ARFGEF1: variants seen among roughly 807,000 people sequenced by gnomAD.
ARFGEF1 encodes brefeldin A-inhibited guanine nucleotide-exchange protein 1.
Under a neutral mutation model 231.0 loss-of-function variants are expected in ARFGEF1, and 42 were observed. The observed-to-expected ratio is 0.18, with a 90% CI of 0.14 to 0.24. ARFGEF1 has a LOEUF of 0.24. Among genes scored for constraint, ARFGEF1 ranks in the 10% least tolerant of loss-of-function variants. The pLI, the probability that ARFGEF1 is intolerant of heterozygous loss-of-function variation, is 1.00. For missense variants in ARFGEF1, 1,345 were observed against 2,192.0 expected, an observed-to-expected ratio of 0.61 and a Z score of 7.72; for synonymous variants, 710 against 732.3, an observed-to-expected ratio of 0.97 and a Z score of 0.49.
intron 1 of ARFGEF1, among the ~76,000 whole-genome samples, chr8:67,311,580 C>G (rs574233749): frequency 1.4e-5 from 2 of 145,050 alleles, no homozygotes; most frequent in East Asian, 2.2e-4. Flanking sequence ...GTCAGCCCCC[C>G]GCCTGGCCAG....
chr8:67,311,496 C>T lies in ARFGEF1; in HGVS notation c.125-9030G>A, dbSNP rs558242155. 2.7e-3 allele frequency among the ~76,000 whole-genome samples: 396 copies of T among 144,890 alleles called. 26 individuals carry two copies. The East Asian group carries it at 0.084, about 31-fold the overall frequency. ...TCAGCCACCCGCCTGGCCAGCCGCC[C>T]CGTCCGGGAGGGAGGTGGGGGGGGG... On this transcript the variant is annotated intron_variant, in intron 1 of 38. Coordinates refer to ENST00000262215, the MANE Select transcript of ARFGEF1 (RefSeq NM_006421.5).
chr8:67,183,475 A>G (rs962616585), intron 5 of ARFGEF1, among the ~76,000 whole-genome samples: 2 of 152,246 alleles, frequency 1.3e-5, no homozygotes, highest in African/African-American at 4.8e-5. Flanking sequence ...GAAATAAACT[A>G]GAAATCAATA....
Position 67,343,486 on chromosome 8 carries a change from C to A in ARFGEF1, c.-199G>T. ...GGTGTCGGCGAAGGGCGTCGAGGTC[C>A]TCGCCGCCCCCAAGAAGCCGTACCT... On this transcript the variant is annotated 5_prime_UTR_variant, in exon 1 of 39. It adds an upstream start codon to the 5' untranslated region. Coordinates refer to ENST00000262215, the MANE Select transcript of ARFGEF1 (RefSeq NM_006421.5). The A allele has an allele frequency of 7.8e-7, 1 of 1,282,054 alleles. No individual in the cohort carries two copies. The highest frequency in any genetic ancestry group is 9.9e-7 in the Non-Finnish European group (1 of 1,010,868). The allele number at this position is 1,282,054 out of a possible 1,614,324, so 79.4% of individuals were successfully genotyped here.
rs1839406948 is a variant in ARFGEF1, at chr8:67,227,323, T to C, written c.3744-14A>G. On this transcript the variant is annotated splice_polypyrimidine_tract_variant and intron_variant, in intron 26 of 38. Transcript: ENST00000262215. ...ATTGTTGGAGACCTAAAAATATTAA[T>C]ATAATTGCTTGGATATGCAAACCGA... 1.9e-6 allele frequency: 3 copies of C among 1,606,824 alleles called. No individual in the cohort carries two copies. The highest frequency in any genetic ancestry group is 1.3e-5 in the African/African-American group (1 of 74,700).
At chr8:67,250,839 C>G (rs767028214) in intron 19 of ARFGEF1, among the ~76,000 whole-genome samples, 26 of 152,206 alleles carry the variant, frequency 1.7e-4, no homozygotes, top group Non-Finnish European at 2.8e-4. Flanking sequence ...CTCACTAAAT[C>G]AACCCACAAA....
At chr8:67,195,437 C>T (rs760288295), downstream of ARFGEF1, 35 of 1,613,988 alleles carry the variant, frequency 2.2e-5, no homozygotes, top group Admixed American at 6.7e-5. Context: ...TAGGGGATGA[C>T]GGATCAAACT....
intron 37 of ARFGEF1, 57 bp downstream of exon 37, chr8:67,201,410 C>T (rs1587022972): frequency 6.4e-7 from 1 of 1,557,366 alleles, no homozygotes; most frequent in South Asian, 1.2e-5. Context: ...GTGCCTCTTT[C>T]CTGCCCGGCA....
chr8:67,213,837 C>A (rs1289619621), intron 33 of ARFGEF1, among the ~76,000 whole-genome samples: 1 of 152,210 alleles, frequency 6.6e-6, no homozygotes, highest in African/African-American at 2.4e-5. Context: ...GCCTGCCTGC[C>A]CTACAAAATT....
intron 1 of ARFGEF1, among the ~76,000 whole-genome samples, chr8:67,339,702 G>A (rs1045703734): frequency 3.4e-5 from 5 of 148,018 alleles, no homozygotes; most frequent in African/African-American, 1.0e-4. Flanking sequence ...TCTGCAGAGA[G>A]CTGTAGTAGG....
At chr8:67,287,643 T>C (rs1303949820) in intron 7 of ARFGEF1, among the ~76,000 whole-genome samples, 3 of 152,218 alleles carry the variant, frequency 2.0e-5, no homozygotes, top group African/African-American at 7.2e-5. Context: ...CATATTTTTG[T>C]CTCCATTTAG....
At chr8:67,299,997 C>A (rs1806406590) in intron 3 of ARFGEF1, among the ~76,000 whole-genome samples, 1 of 151,944 alleles carries the variant, frequency 6.6e-6, no homozygotes, top group African/African-American at 2.4e-5. Flanking sequence ...TTGCTTATTG[C>A]TTTCCACATA....
At chr8:67,286,425 A>T (rs1396901698) in intron 7 of ARFGEF1, among the ~76,000 whole-genome samples, 2 of 152,152 alleles carry the variant, frequency 1.3e-5, no homozygotes, top group Non-Finnish European at 2.9e-5. Context: ...TTTTTTTATA[A>T]AGGGTCAGAT....
intron 1 of ARFGEF1, among the ~76,000 whole-genome samples, chr8:67,317,272 G>A (rs1245497214): frequency 6.6e-6 from 1 of 152,132 alleles, no homozygotes; most frequent in Non-Finnish European, 1.5e-5. Context: ...CTACGTAACC[G>A]GAGGAGATAA....
In ARFGEF1 at chr8:67,291,968, A is replaced by T. The variant is rs1247892127; in HGVS notation, c.795T>A (p.Leu265=). 6 of 1,613,844 alleles carry T rather than the reference A, an allele frequency of 3.7e-6. No individual in the cohort carries two copies. Among genetic ancestry groups the T allele is most frequent in the African/African-American group, 1.3e-5 (1 of 74,904 alleles). The part of the protein sequence containing the change: ...DHISQEHEGD[L]DLHTNDVDKS... ...TATCTACATCATTTGTATGGAGGTCAAGGTCCCCTTCGTGTTCTTGGGATA... is the reference window on the plus strand; with the variant it reads ...TATCTACATCATTTGTATGGAGGTCTAGGTCCCCTTCGTGTTCTTGGGATA... The change falls in exon 6 of 39, where the codon CTT becomes CTA. Residue 265 remains leucine, a synonymous_variant. Coordinates refer to ENST00000262215, the MANE Select transcript of ARFGEF1 (RefSeq NM_006421.5).
chr8:67,178,951 TG>T (rs1832333159), intron 5 of ARFGEF1, among the ~76,000 whole-genome samples: 1 of 152,226 alleles, frequency 6.6e-6, no homozygotes, highest in Non-Finnish European at 1.5e-5. Context: ...CTGTGCATTT[TG>T]ACTGAGTGGG....
chr8:67,201,307 C>G (rs1335672167), intron 37 of ARFGEF1, among the ~76,000 whole-genome samples, 160 bp downstream of exon 37: 1 of 152,216 alleles, frequency 6.6e-6, no homozygotes, highest in Non-Finnish European at 1.5e-5. Context: ...CTAAAGCACA[C>G]TCATCTCTAA....
At chr8:67,264,545 C>T (rs1028166906) in intron 14 of ARFGEF1, among the ~76,000 whole-genome samples, 4 of 151,892 alleles carry the variant, frequency 2.6e-5, no homozygotes, top group South Asian at 4.1e-4. Context: ...AGGAACAGAA[C>T]GCTGGCAATG....
At chr8:67,291,269 T>C (rs1169768904) in intron 6 of ARFGEF1, among the ~76,000 whole-genome samples, 1 of 152,106 alleles carries the variant, frequency 6.6e-6, no homozygotes, top group Non-Finnish European at 1.5e-5. Flanking sequence ...ATATAATTTT[T>C]ATAATCTTAT....
chr8:67,343,254 G>A lies in ARFGEF1; in HGVS notation c.34C>T (p.Leu12=), dbSNP rs1341367015. The A allele has an allele frequency of 6.2e-7, 1 of 1,613,928 alleles. No homozygotes were observed. The highest frequency in any genetic ancestry group is 2.2e-5 in the East Asian group (1 of 44,870). The change falls in exon 1 of 39, where the codon CTG becomes TTG. Residue 12 remains leucine, a synonymous_variant. Coordinates refer to ENST00000262215, the MANE Select transcript of ARFGEF1 (RefSeq NM_006421.5). ...YEGKKTKNMF[L]TRALEKILAD... The stretch of plus-strand genomic sequence containing the variant: ...AATATCTTCTCCAGAGCCCGGGTCA[G>A]GAACATGTTCTTCGTCTTCTTCCCC...
Sources: allele counts gnomAD v4.1 joint callset (sites outside exome capture counted in the v4.1 genomes callset), GRCh38; gene constraint gnomAD v4.1.1; transcripts MANE v1.5; gene names NCBI Gene and HGNC (gene_info 2026-07-23, HGNC 2026-07-21).